NCKAP5: variants seen among roughly 807,000 people sequenced by gnomAD.
NCKAP5 encodes the protein NCK associated protein 5, also known as nck-associated protein 5.
NCKAP5 carries 92 observed loss-of-function variants against 167.0 expected under a neutral mutation model. That is an observed-to-expected ratio of 0.55 (90% CI 0.47 to 0.66). The LOEUF (loss-of-function observed/expected upper bound fraction) is 0.66. Among genes scored for constraint, NCKAP5 ranks in the 30% least tolerant of loss-of-function variants. The pLI, the probability that NCKAP5 is intolerant of heterozygous loss-of-function variation, is 0.00. For synonymous variants in NCKAP5, 891 were observed against 877.4 expected (o/e 1.02, Z -0.27); for missense variants, 2,378 against 2,315.0 (o/e 1.03, Z -0.56).
chr2:133,389,366 AC>A, intron 3 of NCKAP5, among the ~76,000 whole-genome samples: 1 of 152,132 alleles, frequency 6.6e-6, no homozygotes, highest in East Asian at 1.9e-4. Flanking sequence ...GTTATCTCAG[AC>A]TGATTATCCC....
At chr2:132,839,794 A>G (rs1224023886) in intron 11 of NCKAP5, among the ~76,000 whole-genome samples, 2 of 150,800 alleles carry the variant, frequency 1.3e-5, no homozygotes, top group African/African-American at 4.9e-5. Flanking sequence ...GCAAATAACT[A>G]CTAATAGCCT....
At chr2:133,055,834 T>A (rs2149497787) in intron 6 of NCKAP5, among the ~76,000 whole-genome samples, 1 of 152,348 alleles carries the variant, frequency 6.6e-6, no homozygotes, top group Non-Finnish European at 1.5e-5. Context: ...CTGGTCTTTT[T>A]GGAGAGATCT....
chr2:132,754,545 T>C (rs1269130104), intron 16 of NCKAP5, among the ~76,000 whole-genome samples: 1 of 152,218 alleles, frequency 6.6e-6, no homozygotes, highest in African/African-American at 2.4e-5. Context: ...GCAGACCAAA[T>C]GCTCAGGGGA....
chr2:133,647,934 A>G, the NCKAP5 span, among the ~76,000 whole-genome samples: 1,320 of 152,242 alleles, frequency 8.7e-3, 15 homozygotes, highest in African/African-American at 0.03. Flanking sequence ...CCCAATCAAA[A>G]GATATATAGT....
chr2:133,561,470 G>C (rs1187106328), intron 1 of NCKAP5, among the ~76,000 whole-genome samples: 8 of 152,196 alleles, frequency 5.3e-5, no homozygotes, highest in Non-Finnish European at 1.2e-4. Flanking sequence ...GGTATCATTT[G>C]CTTTCCTCTG....
At chr2:132,833,579 T>A (rs919473961) in intron 11 of NCKAP5, among the ~76,000 whole-genome samples, 1 of 152,190 alleles carries the variant, frequency 6.6e-6, no homozygotes, top group Non-Finnish European at 1.5e-5. Context: ...CTTCTGCAAA[T>A]GGCAATCCAA....
chr2:133,268,545 C>T (rs893003921), intron 4 of NCKAP5: 10 of 148,388 alleles, frequency 6.7e-5, no homozygotes, highest in Non-Finnish European at 1.3e-4. Context: ...TGCACTGGCG[C>T]GATCTCAGCT....
intron 19 of NCKAP5, among the ~76,000 whole-genome samples, chr2:132,676,090 C>T (rs1330288423): frequency 6.6e-6 from 1 of 151,916 alleles, no homozygotes; most frequent in Non-Finnish European, 1.5e-5. Context: ...TCTAGCTATG[C>T]AGAAATGTGG....
intron 5 of NCKAP5, among the ~76,000 whole-genome samples, chr2:133,134,749 A>G (rs556016542): frequency 1.4e-4 from 22 of 152,318 alleles, no homozygotes; most frequent in African/African-American, 4.1e-4. Flanking sequence ...AATGCAGGAG[A>G]TTCCTCCATT....
chr2:132,818,160 C>G (rs1468758550), intron 11 of NCKAP5, among the ~76,000 whole-genome samples: 2 of 152,144 alleles, frequency 1.3e-5, no homozygotes, highest in African/African-American at 2.4e-5. Flanking sequence ...GTTGCCCAGG[C>G]TGGTTTCCAA....
intron 3 of NCKAP5, among the ~76,000 whole-genome samples, chr2:133,392,203 G>A (rs1349128925): frequency 6.6e-6 from 1 of 152,148 alleles, no homozygotes; most frequent in East Asian, 1.9e-4. Flanking sequence ...TACATGTACT[G>A]TATGTTTTTA....
chr2:132,918,110 G>T (rs1480277148), intron 8 of NCKAP5, among the ~76,000 whole-genome samples: 1 of 152,156 alleles, frequency 6.6e-6, no homozygotes, highest in African/African-American at 2.4e-5. Context: ...AATTTTGCAT[G>T]TAAAAACCCA....
chr2:133,649,273 A>G, the NCKAP5 span, among the ~76,000 whole-genome samples: 2 of 151,090 alleles, frequency 1.3e-5, no homozygotes, highest in South Asian at 2.1e-4. Context: ...AAAGTTCAGG[A>G]CCAGATGACT....
At chr2:133,525,993 C>A (rs1315885076) in intron 2 of NCKAP5, among the ~76,000 whole-genome samples, 2 of 152,024 alleles carry the variant, frequency 1.3e-5, no homozygotes. Context: ...TAAAATGATT[C>A]CTGTTTTAAA....
At chr2:132,774,211 T>C (rs1682348551) in intron 15 of NCKAP5, among the ~76,000 whole-genome samples, 1 of 152,214 alleles carries the variant, frequency 6.6e-6, no homozygotes. Flanking sequence ...ACAGCTTAGC[T>C]TGTTAATAAT....
intron 2 of NCKAP5, among the ~76,000 whole-genome samples, chr2:133,554,123 G>C (rs1687572243): frequency 6.6e-6 from 1 of 152,170 alleles, no homozygotes; most frequent in Non-Finnish European, 1.5e-5. Flanking sequence ...AATCTCTGAG[G>C]CTTCTAGTTT....
intron 3 of NCKAP5, among the ~76,000 whole-genome samples, chr2:133,344,371 G>A (rs1167520275): frequency 2.0e-5 from 3 of 147,892 alleles, no homozygotes; most frequent in Non-Finnish European, 4.4e-5. Context: ...TTGCACCACT[G>A]CACTCCAGCC....
At chr2:133,656,038 G>A in the NCKAP5 span, among the ~76,000 whole-genome samples, 10 of 152,068 alleles carry the variant, frequency 6.6e-5, no homozygotes, top group East Asian at 1.2e-3. Flanking sequence ...TTCTTCTTAC[G>A]GATTTTCAAA....
chr2:133,414,617 C>T lies in NCKAP5; in HGVS notation c.69+102841G>A, dbSNP rs989502679. 2.6e-5 allele frequency among the ~76,000 whole-genome samples: 4 copies of T among 152,132 alleles called. No homozygotes were observed. The East Asian group carries it at 7.7e-4, about 29-fold the overall frequency. Reference sequence around the variant, plus strand: ...AGTTATGAAATGATACTTTTTACAACCTTTAGTCTGCTCAATATATGGTCC... The same window carrying T: ...AGTTATGAAATGATACTTTTTACAATCTTTAGTCTGCTCAATATATGGTCC... On this transcript the variant is annotated intron_variant, in intron 3 of 19. Transcript: ENST00000409261.
Sources: gnomAD v4.1 joint callset for allele counts (sites outside exome capture counted in the v4.1 genomes callset) on GRCh38, gnomAD v4.1.1 for gene constraint, MANE v1.5 for transcripts, NCBI Gene and HGNC (gene_info 2026-07-23, HGNC 2026-07-21) for gene names.